The following PTPRD variants were observed in gnomAD, a reference collection of about 807,000 sequenced individuals.
The protein encoded by PTPRD is protein tyrosine phosphatase receptor type D.
Under a neutral mutation model 214.5 loss-of-function variants are expected in PTPRD, and 34 were observed. The observed-to-expected ratio is 0.16, with a 90% CI of 0.12 to 0.21. The LOEUF (loss-of-function observed/expected upper bound fraction) is 0.21, where lower values mean the gene tolerates loss of function less well. Ranked by LOEUF, PTPRD falls within the 10% of genes least tolerant of loss-of-function variation. PTPRD has a pLI of 1.00. For synonymous variants in PTPRD, 1,128 were observed against 845.7 expected, an observed-to-expected ratio of 1.33 and a Z score of -5.79; for missense variants, 2,545 against 2,398.7, an observed-to-expected ratio of 1.06 and a Z score of -1.27.
intron 3 of PTPRD, among the ~76,000 whole-genome samples, chr9:10,306,823 A>G (rs2096086159): frequency 6.6e-6 from 1 of 152,096 alleles, no homozygotes; most frequent in African/African-American, 2.4e-5. Context: ...GAGTTCTAGT[A>G]TTATCTCATT....
intron 11 of PTPRD, among the ~76,000 whole-genome samples, chr9:8,927,123 A>G (rs951663317): frequency 6.6e-6 from 1 of 152,194 alleles, no homozygotes; most frequent in Admixed American, 6.6e-5. Flanking sequence ...ACATAAAAAA[A>G]AGGCAAAATT....
rs143065551 is a variant in PTPRD, at chr9:9,849,479, T to C, written c.-367-82628A>G. 1.6e-3 allele frequency among the ~76,000 whole-genome samples: 247 copies of C among 152,268 alleles called. 1 individual carries two copies. Among genetic ancestry groups the C allele is most frequent in the African/African-American group, 5.8e-3 (240 of 41,564 alleles). On this transcript the variant is annotated intron_variant, in intron 5 of 45. Coordinates refer to ENST00000381196, the MANE Select transcript of PTPRD (RefSeq NM_002839.4). ...AGAAAGTCAAGATATTACTATATTCTTAAATTTATATATAGAAGTCTGATG... is the reference window on the plus strand; with the variant it reads ...AGAAAGTCAAGATATTACTATATTCCTAAATTTATATATAGAAGTCTGATG...
intron 23 of PTPRD, among the ~76,000 whole-genome samples, chr9:8,502,863 T>C (rs958873688): frequency 1.9e-4 from 29 of 150,350 alleles, no homozygotes; most frequent in African/African-American, 3.9e-4. Flanking sequence ...TATATATATA[T>C]ACACACACAC....
At chr9:9,075,032 C>G (rs2099749012) in intron 10 of PTPRD, among the ~76,000 whole-genome samples, 1 of 151,570 alleles carries the variant, frequency 6.6e-6, no homozygotes, top group Admixed American at 6.6e-5. Flanking sequence ...TATAATTGTA[C>G]AAAAAGAGAA....
intron 2 of PTPRD, among the ~76,000 whole-genome samples, chr9:10,369,405 C>T (rs2154476415): frequency 6.6e-6 from 1 of 151,808 alleles, no homozygotes; most frequent in East Asian, 1.9e-4. Flanking sequence ...GTGGTAATGG[C>T]GGGGACAGAG....
intron 7 of PTPRD, among the ~76,000 whole-genome samples, chr9:9,585,742 C>T (rs993141615): frequency 3.9e-5 from 6 of 151,966 alleles, no homozygotes; most frequent in African/African-American, 7.2e-5. Context: ...GATGTGAATA[C>T]GTAGGTACTA....
chr9:8,821,664 A>G lies in PTPRD; in HGVS notation c.-103-87718T>C, dbSNP rs193278772. The stretch of plus-strand genomic sequence containing the variant: ...AAGTAGAAATAACAACATCCATCCA[A>G]TAAGTTCCTTCAACTTCAGGAAACA... On this transcript the variant is annotated intron_variant, in intron 11 of 45. Coordinates refer to ENST00000381196, the MANE Select transcript of PTPRD (RefSeq NM_002839.4). Among the ~76,000 whole-genome samples the G allele has an allele frequency of 1.8e-4, 27 of 152,242 alleles. No individual in the cohort carries two copies. The East Asian group carries it at 3.3e-3, about 19-fold the overall frequency.
chr9:10,183,334 A>T (rs753313346), intron 3 of PTPRD, among the ~76,000 whole-genome samples: 65 of 152,186 alleles, frequency 4.3e-4, no homozygotes, highest in Non-Finnish European at 9.0e-4. Flanking sequence ...GCATGGATGG[A>T]TGATGACTGT....
chr9:8,531,332 T>G (rs1389701755), intron 14 of PTPRD, among the ~76,000 whole-genome samples: 1 of 152,038 alleles, frequency 6.6e-6, no homozygotes, highest in Non-Finnish European at 1.5e-5. Flanking sequence ...GCTTTAAAGG[T>G]TTTGCCAATA....
chr9:8,781,136 A>T (rs950602073), intron 11 of PTPRD, among the ~76,000 whole-genome samples: 2 of 152,154 alleles, frequency 1.3e-5, no homozygotes, highest in African/African-American at 2.4e-5. Flanking sequence ...GCAGTTTATG[A>T]CCAGCAAAAG....
intron 2 of PTPRD, among the ~76,000 whole-genome samples, chr9:10,445,038 T>C (rs1303208586): frequency 6.6e-6 from 1 of 151,862 alleles, no homozygotes; most frequent in Non-Finnish European, 1.5e-5. Context: ...GTTGAGAATA[T>C]TAGGAAAAAG....
chr9:9,062,849 G>C (rs1345291525), intron 10 of PTPRD, among the ~76,000 whole-genome samples: 2 of 152,158 alleles, frequency 1.3e-5, no homozygotes, highest in Non-Finnish European at 2.9e-5. Context: ...ATCCCAGGCA[G>C]CTCGTAAACT....
intron 10 of PTPRD, among the ~76,000 whole-genome samples, chr9:9,129,088 C>T (rs992984500): frequency 6.6e-6 from 1 of 152,156 alleles, no homozygotes; most frequent in Non-Finnish European, 1.5e-5. Flanking sequence ...TAACACAAGG[C>T]TTTATCTAAT....
intron 3 of PTPRD, among the ~76,000 whole-genome samples, chr9:10,120,079 C>A (rs1163015936): frequency 6.6e-6 from 1 of 151,920 alleles, no homozygotes; most frequent in East Asian, 1.9e-4. Context: ...ACCCAGTGTC[C>A]TAGTGATGTT....
At chr9:8,684,077 T>C (rs1056235558) in intron 12 of PTPRD, among the ~76,000 whole-genome samples, 28 of 152,048 alleles carry the variant, frequency 1.8e-4, no homozygotes, top group Non-Finnish European at 3.7e-4. Context: ...AGCTAAGATA[T>C]GGTGGAGCAG....
intron 12 of PTPRD, among the ~76,000 whole-genome samples, chr9:8,712,869 C>T (rs62528774): frequency 1.4e-4 from 22 of 152,194 alleles, no homozygotes; most frequent in Admixed American, 7.2e-4. Context: ...CAGGCACCCG[C>T]CACCACGCCT....
At chr9:8,875,321 T>C (rs933190253) in intron 11 of PTPRD, among the ~76,000 whole-genome samples, 1 of 151,748 alleles carries the variant, frequency 6.6e-6, no homozygotes, top group African/African-American at 2.4e-5. Flanking sequence ...AGCCCAGGAG[T>C]TCGAGAGCCT....
rs545465705 is a variant in PTPRD at position 9,293,543 on chromosome 9, C to G, written c.-203+103906G>C. Among the ~76,000 whole-genome samples, 9 of 151,566 alleles carry G rather than the reference C, an allele frequency of 5.9e-5. No individual in the cohort carries two copies. In the South Asian group the frequency reaches 1.9e-3, roughly 31 times the overall value. ...TATTACTGACTAATGCTATTAGAAA[C>G]CACATATGAAAGTTGAATGTGTTCA... is the stretch of plus-strand genomic sequence containing the variant. On this transcript the variant is annotated intron_variant, in intron 9 of 45. Transcript: ENST00000381196.
rs957581566 is a variant in PTPRD, at chr9:10,460,707, A to T, written c.-599-119690T>A. Among the ~76,000 whole-genome samples the T allele has an allele frequency of 2.0e-5, 3 of 152,132 alleles. 1 individual carries two copies. Among genetic ancestry groups the T allele is most frequent in the Admixed American group, 2.0e-4 (3 of 15,268 alleles). On this transcript the variant is annotated intron_variant, in intron 2 of 45. Transcript: ENST00000381196. Reference sequence around the variant, plus strand: ...GACATATCCGAGACAATGAAATGGAATCCTTCTCTTACACCATACACAAAA... The same window carrying T: ...GACATATCCGAGACAATGAAATGGATTCCTTCTCTTACACCATACACAAAA...
Sources: gnomAD v4.1 joint callset for allele counts (sites outside exome capture counted in the v4.1 genomes callset) on GRCh38, gnomAD v4.1.1 for gene constraint, MANE v1.5 for transcripts, NCBI Gene and HGNC (gene_info 2026-07-23, HGNC 2026-07-21) for gene names.